The following BYSL variants were observed in gnomAD, a reference collection of about 807,000 sequenced individuals.
BYSL encodes the protein bystin.
Under a neutral mutation model 45.4 loss-of-function variants are expected in BYSL, and 21 were observed. That is an observed-to-expected ratio of 0.46 (90% confidence interval 0.33 to 0.67). The LOEUF (loss-of-function observed/expected upper bound fraction) is 0.67. BYSL is among the 30% of genes least tolerant of loss of function. The pLI, the probability that BYSL is intolerant of heterozygous loss-of-function variation, is 0.02. For missense variants in BYSL, 522 were observed against 578.5 expected, an observed-to-expected ratio of 0.90 and a Z score of 1.00; for synonymous variants, 215 against 231.3, an observed-to-expected ratio of 0.93 and a Z score of 0.64.
chr6:41,931,250 A>G (rs1775635407), intron 4 of BYSL, 146 bp from the exon 5 acceptor site: 14 of 925,170 alleles, frequency 1.5e-5, no homozygotes, highest in Non-Finnish European at 2.1e-5. Flanking sequence ...TGTTGCATGC[A>G]CACAGCTCCC....
the BYSL span, among the ~76,000 whole-genome samples, chr6:41,911,225 A>G: frequency 6.7e-6 from 1 of 149,482 alleles, no homozygotes; most frequent in Admixed American, 6.7e-5. Flanking sequence ...ATCTTGGCTC[A>G]CTGCAACCTC....
chr6:41,920,874 G>A (rs2127383102), upstream of BYSL: 2 of 1,153,834 alleles, frequency 1.7e-6, no homozygotes, highest in Non-Finnish European at 2.3e-6. Flanking sequence ...CAGCCCGGAC[G>A]GCATCCTCTC....
At chr6:41,909,106 C>T in the BYSL span, 10 of 885,022 alleles carry the variant, frequency 1.1e-5, no homozygotes, top group African/African-American at 6.8e-5. Context: ...CCCTGGAGGT[C>T]GAGGCTACAG....
intron 1 of BYSL, among the ~76,000 whole-genome samples, chr6:41,925,605 C>T (rs1266573180): frequency 5.3e-5 from 8 of 152,138 alleles, no homozygotes; most frequent in Non-Finnish European, 8.8e-5. Flanking sequence ...CCTCGTGATC[C>T]GCCCGCCTTG....
At chr6:41,908,991 T>C in the BYSL span, 2 of 468,950 alleles carry the variant, frequency 4.3e-6, no homozygotes, top group Admixed American at 3.7e-5. Context: ...GAGATCAGCC[T>C]GGGCAACATA....
upstream of BYSL, chr6:41,917,416 T>G (rs115709419): frequency 1.3e-3 from 224 of 178,198 alleles, no homozygotes; most frequent in African/African-American, 5.1e-3. Context: ...AAAAAAAAAT[T>G]TAAGACCAGT....
the BYSL span, among the ~76,000 whole-genome samples, chr6:41,914,653 A>G: frequency 1.3e-5 from 2 of 151,898 alleles, no homozygotes; most frequent in African/African-American, 4.8e-5. Context: ...CAGGAGTTAG[A>G]GCTTGCAGTG....
rs1775652639 is a variant in BYSL at position 41,932,349 on chromosome 6, C to T, written c.969-12C>T. The T allele has an allele frequency of 6.2e-7, 1 of 1,603,148 alleles. No individual in the cohort carries two copies. Among genetic ancestry groups the T allele is most frequent in the South Asian group, 1.1e-5 (1 of 90,914 alleles). On this transcript the variant is annotated splice_polypyrimidine_tract_variant and intron_variant, in intron 6 of 6. Coordinates refer to ENST00000230340, the MANE Select transcript of BYSL (RefSeq NM_004053.4). This position sits in a 1 kb window ranked among gnomAD's most constrained non-coding sequence, Gnocchi z 4.7. The stretch of plus-strand genomic sequence containing the variant: ...TCCCTGCTTACTCTACCCCACCTCC[C>T]TTTCCCACTAGTGCGGCCATGCTGA...
rs1320431414 is a variant in BYSL at position 41,932,944 on chromosome 6, T to A, written c.*238T>A. ...CTGAGAGCCAACTTGAGATACCATA[T>A]GCTAGCATTCCCAGTCCCCAGCTGG... On this transcript the variant is annotated 3_prime_UTR_variant, in exon 7 of 7. Transcript: ENST00000230340. This position sits in a 1 kb window ranked among gnomAD's most constrained non-coding sequence, Gnocchi z 4.7. 1.9e-6 allele frequency: 1 copy of A among 528,110 alleles called. No individual in the cohort carries two copies. Among genetic ancestry groups the A allele is most frequent in the East Asian group, 3.1e-5 (1 of 32,278 alleles). 32.7% of individuals were successfully genotyped at this position (528,110 alleles called of 1,614,324 possible).
the BYSL span, among the ~76,000 whole-genome samples, chr6:41,912,059 T>C: frequency 6.6e-6 from 1 of 151,880 alleles, no homozygotes; most frequent in African/African-American, 2.4e-5. Context: ...TCTTCTTTTT[T>C]TTTTTTTGAG....
chr6:41,929,335 A>G (rs1775604875), intron 2 of BYSL, among the ~76,000 whole-genome samples: 1 of 152,162 alleles, frequency 6.6e-6, no homozygotes, highest in African/African-American at 2.4e-5. Flanking sequence ...CCATCTCTAC[A>G]GAAGAATAAA....
chr6:41,931,110 T>C (rs1775631968), intron 4 of BYSL, among the ~76,000 whole-genome samples: 1 of 81,108 alleles, frequency 1.2e-5, no homozygotes, highest in African/African-American at 5.7e-5. Context: ...TGCCCAGGCA[T>C]GCTCAGGGCT....
the BYSL span, among the ~76,000 whole-genome samples, chr6:41,912,636 C>A: frequency 6.6e-6 from 1 of 152,076 alleles, no homozygotes; most frequent in Non-Finnish European, 1.5e-5. Flanking sequence ...GGATTCCAGG[C>A]ATGAGCCACC....
At chr6:41,917,779 G>T (rs1582064046), upstream of BYSL, 1 of 471,360 alleles carries the variant, frequency 2.1e-6, no homozygotes, top group Non-Finnish European at 4.4e-6. Context: ...CTCCGTTTGG[G>T]TTAACATGTT....
intron 2 of BYSL, 50 bp from the exon 3 acceptor site, chr6:41,930,082 C>G: frequency 6.2e-7 from 1 of 1,608,704 alleles, no homozygotes; most frequent in Non-Finnish European, 8.5e-7. Flanking sequence ...ACAGTGACCA[C>G]AGTGCTCCTT....
At chr6:41,921,167 T>G, upstream of BYSL, 1 of 1,018,804 alleles carries the variant, frequency 9.8e-7, no homozygotes, top group Non-Finnish European at 1.4e-6. Flanking sequence ...GGTCCACGCC[T>G]TCCCCAAGGA....
At chr6:41,921,378 G>C (rs938891016), upstream of BYSL, 1 of 774,466 alleles carries the variant, frequency 1.3e-6, no homozygotes, top group African/African-American at 1.8e-5. Flanking sequence ...CGGGAGTCCA[G>C]CTCCGGAACC....
At chr6:41,925,181 C>T (rs762440434) in intron 1 of BYSL, among the ~76,000 whole-genome samples, 3 of 152,006 alleles carry the variant, frequency 2.0e-5, no homozygotes, top group Admixed American at 6.6e-5. Context: ...TTTGGGGGAC[C>T]GTTGGAACGT....
At chr6:41,928,095 G>A (rs1775588752) in intron 2 of BYSL, among the ~76,000 whole-genome samples, 2 of 152,154 alleles carry the variant, frequency 1.3e-5, no homozygotes. Flanking sequence ...TCCTCTGGGA[G>A]GCAAGACTGC....
Sources: gnomAD v4.1 joint callset for allele counts (sites outside exome capture counted in the v4.1 genomes callset) on GRCh38, gnomAD v4.1.1 for gene constraint, Gnocchi (gnomAD v3.1) non-coding constraint, MANE v1.5 for transcripts, NCBI Gene and HGNC (gene_info 2026-07-23, HGNC 2026-07-21) for gene names.